The following MAD1L1 variants were observed in gnomAD, a reference collection of about 807,000 sequenced individuals.
The protein encoded by MAD1L1 is mitotic spindle assembly checkpoint protein MAD1.
MAD1L1 carries 95 observed loss-of-function variants against 96.9 expected under a neutral mutation model. The ratio of observed to expected loss-of-function variants is 0.98; its 90% CI spans 0.83 to 1.16. The LOEUF (loss-of-function observed/expected upper bound fraction) is 1.16. MAD1L1 is among the 50% of genes most tolerant of loss of function. The pLI is 0.00. For synonymous variants in MAD1L1, 473 were observed against 396.6 expected, an observed-to-expected ratio of 1.19 and a Z score of -2.29; for missense variants, 1,007 against 954.4, an observed-to-expected ratio of 1.06 and a Z score of -0.73.
At chr7:1,842,410 G>A (rs1430944939) in intron 18 of MAD1L1, among the ~76,000 whole-genome samples, 2 of 152,226 alleles carry the variant, frequency 1.3e-5, no homozygotes, top group East Asian at 3.9e-4. Context: ...AGCCGTCACA[G>A]CCGGGCTTGG....
intron 18 of MAD1L1, among the ~76,000 whole-genome samples, chr7:1,859,177 G>A (rs945386771): frequency 6.6e-6 from 1 of 152,172 alleles, no homozygotes; most frequent in Non-Finnish European, 1.5e-5. Flanking sequence ...GATGGCGCCG[G>A]GCTTCCCCAG....
chr7:2,162,301 C>T (rs1790190778), intron 10 of MAD1L1, among the ~76,000 whole-genome samples: 1 of 152,176 alleles, frequency 6.6e-6, no homozygotes. Flanking sequence ...CAACCCTGTG[C>T]TCTCTGAAAC....
At position 2,056,164 on chromosome 7, in the gene MAD1L1, G is replaced by A. The variant is rs187813834; in HGVS notation, c.1218+13030C>T. Among the ~76,000 whole-genome samples the A allele has an allele frequency of 2.1e-3, 313 of 152,330 alleles. 4 individuals are homozygous for A. The highest frequency in any genetic ancestry group is 2.4e-3 in the Non-Finnish European group (166 of 68,036). On this transcript the variant is annotated intron_variant, in intron 12 of 18. Coordinates refer to ENST00000265854, the MANE Select transcript of MAD1L1 (RefSeq NM_001013836.2). ...GATGACTGTCTGACACAAACCCCTG[G>A]AGGGTCACAGAGGATGATGCTTTCC...
At position 2,225,400 on chromosome 7, in the gene MAD1L1, C is replaced by T. The variant is rs763459475; in HGVS notation, c.291+10G>A. ...CTGTCTGGGCCGACCCTCGCCCCGCCTGAACCCACCTCGTAGTTCCTGGCA... is the reference window on the plus strand; with the variant it reads ...CTGTCTGGGCCGACCCTCGCCCCGCTTGAACCCACCTCGTAGTTCCTGGCA... On this transcript the variant is annotated intron_variant, in intron 4 of 18. Coordinates refer to ENST00000265854, the MANE Select transcript of MAD1L1 (RefSeq NM_001013836.2). The T allele has an allele frequency of 6.2e-7, 1 of 1,612,610 alleles. No homozygotes were observed.
intron 10 of MAD1L1, among the ~76,000 whole-genome samples, chr7:2,210,397 C>T (rs1378530997): frequency 1.3e-5 from 2 of 152,094 alleles, no homozygotes; most frequent in Non-Finnish European, 2.9e-5. Context: ...ACCAAACCCT[C>T]CCGGTGATTC....
chr7:2,132,624 A>G (rs972923268), intron 11 of MAD1L1, among the ~76,000 whole-genome samples: 1 of 152,206 alleles, frequency 6.6e-6, no homozygotes, highest in Non-Finnish European at 1.5e-5. Flanking sequence ...CCAGAATACC[A>G]CGGAGGAGAA....
At chr7:1,898,931 G>A (rs1787068835) in intron 17 of MAD1L1, among the ~76,000 whole-genome samples, 1 of 152,202 alleles carries the variant, frequency 6.6e-6, no homozygotes, top group African/African-American at 2.4e-5. Context: ...GGTCCTTTCT[G>A]AGGCTGGACG....
At position 2,067,605 on chromosome 7, in the gene MAD1L1, CCCGCAGTGGTCAGCCCGAACCA is replaced by C. The variant is rs1361205824; in HGVS notation, c.1218+1567_1218+1588del. 5.3e-5 allele frequency among the ~76,000 whole-genome samples: 8 copies of C among 152,178 alleles called. No homozygotes were observed. In the East Asian group the frequency reaches 7.7e-4, roughly 15 times the overall value. On this transcript the variant is annotated intron_variant, in intron 12 of 18. Coordinates refer to ENST00000265854, the MANE Select transcript of MAD1L1 (RefSeq NM_001013836.2). ...ACCCCCGCAGTGGTCAGCCCAAACC[CCCGCAGTGGTCAGCCCGAACCA>C]CCGCAGTGGTCAGCCCGCGTGCTGT...
chr7:2,091,249 G>A (rs533330238), intron 11 of MAD1L1, among the ~76,000 whole-genome samples: 17 of 152,200 alleles, frequency 1.1e-4, no homozygotes, highest in African/African-American at 4.1e-4. Context: ...AGACGCCCAG[G>A]TCCTCCTACC....
At chr7:1,960,347 T>A (rs1197592628) in intron 15 of MAD1L1, among the ~76,000 whole-genome samples, 1 of 150,884 alleles carries the variant, frequency 6.6e-6, no homozygotes, top group Non-Finnish European at 1.5e-5. Context: ...ACAAATTAGA[T>A]GTAAGTAGCC....
intron 18 of MAD1L1, among the ~76,000 whole-genome samples, chr7:1,895,995 C>T (rs1228993565): frequency 6.6e-6 from 1 of 152,228 alleles, no homozygotes; most frequent in Non-Finnish European, 1.5e-5. Flanking sequence ...GCAAGAGCTG[C>T]GGGGCCCAGG....
chr7:1,942,174 CA>C (rs932101542), intron 16 of MAD1L1, among the ~76,000 whole-genome samples: 27 of 152,334 alleles, frequency 1.8e-4, no homozygotes, highest in African/African-American at 6.5e-4. Flanking sequence ...GCTGTGAATA[CA>C]GGGGTGGAGC....
At chr7:2,129,658 G>T (rs952140454) in intron 11 of MAD1L1, among the ~76,000 whole-genome samples, 32 of 152,344 alleles carry the variant, frequency 2.1e-4, no homozygotes, top group Admixed American at 2.1e-3. Flanking sequence ...CGAGAGCAAG[G>T]TGGCAAGACA....
At chr7:2,197,516 C>T (rs1394373328) in intron 10 of MAD1L1, among the ~76,000 whole-genome samples, 2 of 152,202 alleles carry the variant, frequency 1.3e-5, no homozygotes, top group East Asian at 1.9e-4. Flanking sequence ...CTGGTACACA[C>T]GACGTGCACT....
intron 18 of MAD1L1, among the ~76,000 whole-genome samples, chr7:1,831,217 T>G (rs1782688640): frequency 6.6e-6 from 1 of 152,228 alleles, no homozygotes; most frequent in Non-Finnish European, 1.5e-5. Context: ...TTCATGTCTG[T>G]GTCGTATATA....
chr7:1,838,383 G>A (rs1583509710), intron 18 of MAD1L1, among the ~76,000 whole-genome samples: 1 of 152,298 alleles, frequency 6.6e-6, no homozygotes, highest in Middle Eastern at 3.4e-3. Context: ...GTACACGAAT[G>A]TTCACAGCAG....
At chr7:2,218,140 C>A (rs1214260117) in intron 6 of MAD1L1, 97 bp from the exon 7 acceptor site, 6 of 885,152 alleles carry the variant, frequency 6.8e-6, no homozygotes, top group African/African-American at 1.6e-5. Flanking sequence ...GACCCACATA[C>A]GTTCATTCCC....
At chr7:1,976,143 G>A (rs1388075201) in intron 15 of MAD1L1, among the ~76,000 whole-genome samples, 1 of 152,210 alleles carries the variant, frequency 6.6e-6, no homozygotes. Context: ...GTGTGCATCT[G>A]GGCAAGAGCA....
intron 11 of MAD1L1, among the ~76,000 whole-genome samples, chr7:2,147,418 T>A (rs1468014023): frequency 6.6e-6 from 1 of 152,174 alleles, no homozygotes; most frequent in African/African-American, 2.4e-5. Flanking sequence ...CACAGGGCAA[T>A]AAGCCACACG....
Sources: gnomAD v4.1 joint callset for allele counts (sites outside exome capture counted in the v4.1 genomes callset) on GRCh38, gnomAD v4.1.1 for gene constraint, MANE v1.5 for transcripts, NCBI Gene and HGNC (gene_info 2026-07-23, HGNC 2026-07-21) for gene names.